The following GOLGB1 variants were observed in gnomAD, a reference collection of about 807,000 sequenced individuals.
GOLGB1 encodes golgin B1, also known as golgin subfamily B member 1.
GOLGB1 carries 174 observed loss-of-function variants against 336.9 expected under a neutral mutation model. The ratio of observed to expected loss-of-function variants is 0.52; its 90% CI spans 0.46 to 0.59. GOLGB1 has a LOEUF of 0.59. Among genes scored for constraint, GOLGB1 ranks in the 20% least tolerant of loss-of-function variants. GOLGB1 has a pLI of 0.00. For synonymous variants in GOLGB1, 1,208 were observed against 1,289.2 expected (o/e 0.94, Z 1.35); for missense variants, 3,331 against 3,645.3 (o/e 0.91, Z 2.22).
intron 15 of GOLGB1, among the ~76,000 whole-genome samples, chr3:121,679,559 G>A (rs999132040): frequency 6.6e-6 from 1 of 152,162 alleles, no homozygotes; most frequent in African/African-American, 2.4e-5. Flanking sequence ...AGTCTAGCTA[G>A]ACAGAGCCAT....
chr3:121,671,563 T>C (rs895793226), intron 17 of GOLGB1, among the ~76,000 whole-genome samples: 4 of 152,232 alleles, frequency 2.6e-5, no homozygotes, highest in Admixed American at 6.5e-5. Context: ...TAATGTAATA[T>C]ATTCATATAA....
In GOLGB1 at chr3:121,664,263, C is replaced by T. The variant is rs565896839; in HGVS notation, c.*217G>A. 45 of 562,430 alleles carry T rather than the reference C, an allele frequency of 8.0e-5. No homozygotes were observed. In the South Asian group the frequency reaches 8.1e-4, roughly 10 times the overall value. The allele number at this position is 562,430 out of a possible 1,614,324, so 34.8% of individuals were successfully genotyped here. ...ATGTGATTCTCAGATTAAGCAGAAG[C>T]GTTCAGGCTCAGGGCAGTAGAAGAA... On this transcript the variant is annotated 3_prime_UTR_variant, in exon 22 of 22. Transcript: ENST00000614479.
At chr3:121,705,074 T>TAA (rs1284536941) in intron 10 of GOLGB1, among the ~76,000 whole-genome samples, 1 of 152,136 alleles carries the variant, frequency 6.6e-6, no homozygotes. Context: ...CAAATATATA[T>TAA]AACCATTTTA....
rs1296206569 is a variant in GOLGB1, at chr3:121,727,299, T to C, written c.403-258A>G. ...AAATACATACACACACACACATATA[T>C]ATATATATATATATATATATATTTT... On this transcript the variant is annotated intron_variant, in intron 4 of 21. Coordinates refer to ENST00000614479, the MANE Select transcript of GOLGB1 (RefSeq NM_001366282.2). Among the ~76,000 whole-genome samples the C allele has an allele frequency of 9.8e-3, 234 of 23,958 alleles. 4 individuals carry two copies. Among genetic ancestry groups the C allele is most frequent in the East Asian group, 0.028 (18 of 644 alleles). The allele number at this position is 23,958 out of a possible 152,430, so 15.7% of individuals were successfully genotyped here.
At chr3:121,744,801 C>A (rs778099203) in intron 1 of GOLGB1, among the ~76,000 whole-genome samples, 8 of 151,966 alleles carry the variant, frequency 5.3e-5, no homozygotes, top group Non-Finnish European at 1.0e-4. Flanking sequence ...TCAGGCAGGA[C>A]AAAAGGAGTC....
chr3:121,684,960 C>A (rs1013219409), intron 14 of GOLGB1, among the ~76,000 whole-genome samples: 1 of 152,182 alleles, frequency 6.6e-6, no homozygotes, highest in African/African-American at 2.4e-5. Flanking sequence ...GGAGAATTTT[C>A]TTCCTGAAGA....
chr3:121,748,256 C>T (rs1947505924), intron 1 of GOLGB1, among the ~76,000 whole-genome samples: 1 of 152,174 alleles, frequency 6.6e-6, no homozygotes, highest in African/African-American at 2.4e-5. Flanking sequence ...TTTTTAAAAA[C>T]TTCATTCTTT....
intron 15 of GOLGB1, among the ~76,000 whole-genome samples, chr3:121,680,308 C>T (rs898574841): frequency 3.3e-5 from 5 of 152,152 alleles, no homozygotes; most frequent in African/African-American, 1.2e-4. Context: ...AACTAAAAAT[C>T]ACTCATCATA....
chr3:121,679,939 T>C (rs1940876093), intron 15 of GOLGB1, among the ~76,000 whole-genome samples: 1 of 152,198 alleles, frequency 6.6e-6, no homozygotes, highest in South Asian at 2.1e-4. Context: ...TTCTGGACTT[T>C]GAGTACTACC....
chr3:121,700,934 G>C (rs985987282), intron 11 of GOLGB1, among the ~76,000 whole-genome samples: 4 of 152,028 alleles, frequency 2.6e-5, no homozygotes, highest in Admixed American at 2.6e-4. Context: ...GTATAAACAG[G>C]TTTGTAGTCT....
chr3:121,714,913 T>C lies in GOLGB1; in HGVS notation c.1352A>G (p.His451Arg), dbSNP rs1944635949. 6 of 1,613,316 alleles carry C rather than the reference T, an allele frequency of 3.7e-6. No homozygotes were observed. The highest frequency in any genetic ancestry group is 1.3e-5 in the African/African-American group (1 of 74,912). ...QFLNRLPLQQ[H>R]ETASQTSFPD... ...GAAAGAAGTCTGAGATGCTGTTTCATGTTGTTGCAAGGGCAGTCTATTTAG... is the reference window on the plus strand; with the variant it reads ...GAAAGAAGTCTGAGATGCTGTTTCACGTTGTTGCAAGGGCAGTCTATTTAG... Residue 451 changes from histidine to arginine, a missense_variant, in exon 10 of 22, where the codon CAT becomes CGT. Transcript: ENST00000614479.
At chr3:121,671,857 CTTT>C (rs36089691) in intron 17 of GOLGB1, among the ~76,000 whole-genome samples, 1 of 146,964 alleles carries the variant, frequency 6.8e-6, no homozygotes, top group Non-Finnish European at 1.5e-5. Flanking sequence ...ATGAGATTCA[CTTT>C]TTTTTTTTTG....
chr3:121,726,157 G>A (rs1484230607), intron 5 of GOLGB1, among the ~76,000 whole-genome samples: 1 of 151,272 alleles, frequency 6.6e-6, no homozygotes, highest in Admixed American at 6.6e-5. Flanking sequence ...TACAGGCCAG[G>A]CATGGTGGCT....
intron 17 of GOLGB1, among the ~76,000 whole-genome samples, chr3:121,671,353 A>T (rs1356238197): frequency 6.6e-6 from 1 of 152,216 alleles, no homozygotes; most frequent in Non-Finnish European, 1.5e-5. Context: ...AAATGCAGTC[A>T]TCCCTTGTTA....
chr3:121,689,074 GC>G, intron 14 of GOLGB1, among the ~76,000 whole-genome samples: 1 of 145,362 alleles, frequency 6.9e-6, no homozygotes, highest in African/African-American at 2.6e-5. Context: ...GGGGGGGTCA[GC>G]CCCCCGCCCG....
chr3:121,684,127 C>CAAAAAAAAAAAAAAAAAAAAAAAA (rs61510295), intron 14 of GOLGB1, among the ~76,000 whole-genome samples: 1 of 10,912 alleles, frequency 9.2e-5, no homozygotes, highest in East Asian at 1.1e-3. Flanking sequence ...GACGCCGTCT[C>CAAAAAAAAAAAAAAAAAAAAAAAA]AAAAAAAAAA....
At chr3:121,686,833 T>A (rs976678883) in intron 14 of GOLGB1, among the ~76,000 whole-genome samples, 10 of 152,102 alleles carry the variant, frequency 6.6e-5, no homozygotes, top group Admixed American at 2.0e-4. Flanking sequence ...AGGAAAGCAA[T>A]TGGGAGAACA....
At chr3:121,677,196 G>T in intron 16 of GOLGB1, 89 bp downstream of exon 16, 2 of 1,231,328 alleles carry the variant, frequency 1.6e-6, no homozygotes, top group Non-Finnish European at 2.3e-6. Context: ...TTTCTGGGTA[G>T]CGTCTTAAAA....
At chr3:121,703,622 C>T (rs1943579890) in intron 10 of GOLGB1, among the ~76,000 whole-genome samples, 1 of 152,198 alleles carries the variant, frequency 6.6e-6, no homozygotes, top group African/African-American at 2.4e-5. Context: ...TGATGCCTCT[C>T]TATCATAGGC....
Sources: allele counts gnomAD v4.1 joint callset (sites outside exome capture counted in the v4.1 genomes callset), GRCh38; gene constraint gnomAD v4.1.1; transcripts MANE v1.5; gene names NCBI Gene and HGNC (gene_info 2026-07-23, HGNC 2026-07-21).